Variants in MAP2K4 observed in about 807,000 individuals in gnomAD.
MAP2K4 encodes mitogen-activated protein kinase kinase 4, also known as dual specificity mitogen-activated protein kinase kinase 4.
Under a neutral mutation model 48.5 loss-of-function variants are expected in MAP2K4, and 4 were observed. That is an observed-to-expected ratio of 0.08 (90% CI 0.04 to 0.19). MAP2K4 has a LOEUF of 0.19. Ranked by LOEUF, MAP2K4 falls within the 10% of genes least tolerant of loss-of-function variation. The pLI is 1.00. For synonymous variants in MAP2K4, 166 were observed against 173.1 expected (o/e 0.96, Z 0.32); for missense variants, 258 against 493.3 (o/e 0.52, Z 4.52).
chr17:12,036,292 A>T (rs1263203359), intron 1 of MAP2K4, among the ~76,000 whole-genome samples: 2 of 152,208 alleles, frequency 1.3e-5, no homozygotes, highest in Admixed American at 6.5e-5. Flanking sequence ...ATGTAGAGTT[A>T]TAAGTGTAGA....
chr17:12,034,119 A>G (rs1300036891), intron 1 of MAP2K4, among the ~76,000 whole-genome samples: 3 of 152,356 alleles, frequency 2.0e-5, no homozygotes, highest in East Asian at 3.9e-4. Context: ...TTGTACTCAC[A>G]TTATTGTTCT....
At chr17:12,076,719 T>C (rs1971024080) in intron 2 of MAP2K4, among the ~76,000 whole-genome samples, 1 of 117,570 alleles carries the variant, frequency 8.5e-6, no homozygotes, top group South Asian at 2.8e-4. Flanking sequence ...TGTGGCAGTT[T>C]TTCTGGGTGT....
In MAP2K4 at chr17:12,081,703, A is replaced by G. The variant is rs1971190781; in HGVS notation, c.393+173A>G. Among the ~76,000 whole-genome samples, 1 of 152,088 alleles carries G rather than the reference A, an allele frequency of 6.6e-6. No individual in the cohort carries two copies. Among genetic ancestry groups the G allele is most frequent in the Non-Finnish European group, 1.5e-5 (1 of 68,014 alleles). ...TGTAGAGGTTTCTTATTGGTGGCAC[A>G]TTTTCTATCTCTTTGGAAACATGAG... On this transcript the variant is annotated intron_variant, in intron 3 of 10. Coordinates refer to ENST00000353533, the MANE Select transcript of MAP2K4 (RefSeq NM_003010.4). The surrounding 1 kb of genome is among the most constrained non-coding windows in gnomAD (Gnocchi z 4.2).
intron 3 of MAP2K4, among the ~76,000 whole-genome samples, chr17:12,084,124 T>C (rs1971282299): frequency 6.6e-6 from 1 of 152,162 alleles, no homozygotes; most frequent in Non-Finnish European, 1.5e-5. Context: ...AGGAATTCCT[T>C]CCCCAAATTT....
At chr17:12,133,853 T>C (rs1448190772) in intron 9 of MAP2K4, among the ~76,000 whole-genome samples, 1 of 152,204 alleles carries the variant, frequency 6.6e-6, no homozygotes, top group Non-Finnish European at 1.5e-5. Context: ...GACTGCCTAA[T>C]TGTGCAACTA....
At chr17:12,033,991 A>G (rs1481452940) in intron 1 of MAP2K4, among the ~76,000 whole-genome samples, 16 of 152,166 alleles carry the variant, frequency 1.1e-4, no homozygotes, top group Admixed American at 6.5e-4. Context: ...GAATCTTGCT[A>G]TGTTGCCCAG....
At chr17:12,091,638 T>C (rs1422019578) in intron 3 of MAP2K4, among the ~76,000 whole-genome samples, 1 of 152,178 alleles carries the variant, frequency 6.6e-6, no homozygotes, top group Non-Finnish European at 1.5e-5. Flanking sequence ...GTAATCTTTT[T>C]TTCCTGTGTC....
chr17:12,043,646 T>C (rs1969867276), intron 1 of MAP2K4, among the ~76,000 whole-genome samples: 1 of 152,168 alleles, frequency 6.6e-6, no homozygotes, highest in African/African-American at 2.4e-5. Flanking sequence ...TTATTGGCTT[T>C]ATTATAAAGG....
Position 12,077,911 on chromosome 17 carries a change from C to T in MAP2K4, c.219-3445C>T, listed in dbSNP as rs986035651. On this transcript the variant is annotated intron_variant, in intron 2 of 10. Coordinates refer to ENST00000353533, the MANE Select transcript of MAP2K4 (RefSeq NM_003010.4). ...CACCTCTCACTCTGAGCTCAAGTGA[C>T]CTCTTGTGCATATGAGAAGAGAGTG... 5.3e-5 allele frequency among the ~76,000 whole-genome samples: 8 copies of T among 152,274 alleles called. No individual in the cohort carries two copies. In the East Asian group the frequency reaches 1.4e-3, roughly 26 times the overall value.
intron 8 of MAP2K4, among the ~76,000 whole-genome samples, chr17:12,128,863 C>T (rs1288410680): frequency 6.6e-6 from 1 of 152,200 alleles, no homozygotes; most frequent in South Asian, 2.1e-4. Context: ...CTGGAGCATG[C>T]ATTGTAGGGA....
chr17:12,099,885 G>A lies in MAP2K4; in HGVS notation c.513+4191G>A, dbSNP rs138002381. Among the ~76,000 whole-genome samples the A allele has an allele frequency of 2.2e-3, 338 of 152,158 alleles. 3 individuals are homozygous for A. Among genetic ancestry groups the A allele is most frequent in the Non-Finnish European group, 1.9e-3 (126 of 67,994 alleles). ...TTATTTTAAACATCTTTTGAGGTTG[G>A]GCAATAAATTCTAGTGCAGAAAGCA... On this transcript the variant is annotated intron_variant, in intron 4 of 10. Coordinates refer to ENST00000353533, the MANE Select transcript of MAP2K4 (RefSeq NM_003010.4).
Position 12,069,432 on chromosome 17 carries a change from T to C in MAP2K4, c.219-11924T>C, listed in dbSNP as rs181337669. The stretch of plus-strand genomic sequence containing the variant: ...AGTCAATAGCAACATGATGCAAACA[T>C]GAATGTTTGTCTTGTCCTCTTTAAT... On this transcript the variant is annotated intron_variant, in intron 2 of 10. Transcript: ENST00000353533. Among the ~76,000 whole-genome samples the C allele has an allele frequency of 1.1e-4, 17 of 152,240 alleles. No homozygotes were observed. In the East Asian group the frequency reaches 3.3e-3, roughly 29 times the overall value.
intron 1 of MAP2K4, among the ~76,000 whole-genome samples, chr17:12,041,157 C>T (rs546324207): frequency 6.6e-6 from 1 of 152,208 alleles, no homozygotes; most frequent in Non-Finnish European, 1.5e-5. Flanking sequence ...CATTTATGGG[C>T]AGCAAATAGT....
chr17:12,098,325 A>G (rs1264713430), intron 4 of MAP2K4, among the ~76,000 whole-genome samples: 1 of 152,064 alleles, frequency 6.6e-6, no homozygotes, highest in African/African-American at 2.4e-5. Flanking sequence ...TAAAAATACA[A>G]AAATTAGCCA....
chr17:12,130,876 T>G (rs1972999653), intron 9 of MAP2K4, among the ~76,000 whole-genome samples: 1 of 152,154 alleles, frequency 6.6e-6, no homozygotes, highest in Non-Finnish European at 1.5e-5. Flanking sequence ...TGTTCCAAAT[T>G]ATTCCCCTTT....
Position 12,082,296 on chromosome 17 carries a change from C to A in MAP2K4, c.393+766C>A, listed in dbSNP as rs115897471. The stretch of plus-strand genomic sequence containing the variant: ...TTGTTTGTTTAGATGTTTAACAAAT[C>A]TTTGCTGTATGTAAGATATTTCAGG... On this transcript the variant is annotated intron_variant, in intron 3 of 10. Transcript: ENST00000353533. Among the ~76,000 whole-genome samples the A allele has an allele frequency of 7.5e-3, 1,137 of 152,154 alleles. 11 individuals carry two copies. Among genetic ancestry groups the A allele is most frequent in the African/African-American group, 0.025 (1,018 of 41,528 alleles).
In MAP2K4 at chr17:12,081,991, T is replaced by C. The variant is rs1403904319; in HGVS notation, c.393+461T>C. 1 of 531,038 alleles carries C rather than the reference T, an allele frequency of 1.9e-6. No homozygotes were observed. The highest frequency in any genetic ancestry group is 3.9e-6 in the Non-Finnish European group (1 of 258,582). 32.9% of individuals were successfully genotyped at this position (531,038 alleles called of 1,614,324 possible). A position where few individuals can be genotyped will look rare whatever the true frequency, so the allele number is the denominator to read the frequency against. ...CTGTTGCCACTAACCTCAACCTTACTCGGTCCTGACCGGCTCGGCTTCTGT... is the reference window on the plus strand; with the variant it reads ...CTGTTGCCACTAACCTCAACCTTACCCGGTCCTGACCGGCTCGGCTTCTGT... On this transcript the variant is annotated intron_variant, in intron 3 of 10. Transcript: ENST00000353533. This position sits in a 1 kb window ranked among gnomAD's most constrained non-coding sequence, Gnocchi z 4.2.
chr17:12,048,613 T>C (rs982410832), intron 1 of MAP2K4, among the ~76,000 whole-genome samples: 33 of 152,104 alleles, frequency 2.2e-4, no homozygotes, highest in Admixed American at 4.6e-4. Flanking sequence ...ATGGAATACC[T>C]GATATTGCGA....
At chr17:12,094,525 C>T (rs1971666318) in intron 3 of MAP2K4, among the ~76,000 whole-genome samples, 1 of 152,104 alleles carries the variant, frequency 6.6e-6, no homozygotes, top group Non-Finnish European at 1.5e-5. Context: ...TACTAACTTG[C>T]CTTGTAAGTA....
Sources: gnomAD v4.1 joint callset for allele counts (sites outside exome capture counted in the v4.1 genomes callset) on GRCh38, gnomAD v4.1.1 for gene constraint, Gnocchi (gnomAD v3.1) non-coding constraint, MANE v1.5 for transcripts, NCBI Gene and HGNC (gene_info 2026-07-23, HGNC 2026-07-21) for gene names.